Variants in PABPC4L observed in about 807,000 individuals in gnomAD.
PABPC4L encodes polyadenylate-binding protein 4-like.
For synonymous variants in PABPC4L, 169 were observed against 164.1 expected (o/e 1.03, Z -0.23); for missense variants, 452 against 451.4 (o/e 1.00, Z -0.01).
At chr4:134,073,393 A>G in the PABPC4L span, among the ~76,000 whole-genome samples, 1 of 152,220 alleles carries the variant, frequency 6.6e-6, no homozygotes, top group Non-Finnish European at 1.5e-5. Flanking sequence ...CGCTGATGGA[A>G]GTAGGCTCCA....
chr4:134,189,356 T>A, the PABPC4L span, among the ~76,000 whole-genome samples: 1 of 151,672 alleles, frequency 6.6e-6, no homozygotes, highest in African/African-American at 2.4e-5. Context: ...CACAGCTTTG[T>A]TGACAAGCAG....
chr4:134,055,148 A>G, the PABPC4L span, among the ~76,000 whole-genome samples: 1 of 152,068 alleles, frequency 6.6e-6, no homozygotes, highest in Admixed American at 6.6e-5. Context: ...TCTTCCCCAT[A>G]AAAATCATAT....
chr4:134,112,865 A>G, the PABPC4L span, among the ~76,000 whole-genome samples: 1 of 151,894 alleles, frequency 6.6e-6, no homozygotes, highest in Non-Finnish European at 1.5e-5. Context: ...AGAAGAAGGC[A>G]TTGTCATAGG....
chr4:134,133,556 T>C, the PABPC4L span, among the ~76,000 whole-genome samples: 1 of 151,026 alleles, frequency 6.6e-6, no homozygotes, highest in African/African-American at 2.4e-5. Flanking sequence ...TTGCAGACTG[T>C]TATTTTAAGC....
At chr4:134,051,464 A>C in the PABPC4L span, among the ~76,000 whole-genome samples, 1,327 of 152,292 alleles carry the variant, frequency 8.7e-3, 21 homozygotes, top group African/African-American at 0.03. Context: ...AATCCAAGAC[A>C]GAGTTTGCAA....
chr4:134,091,411 T>C, the PABPC4L span, among the ~76,000 whole-genome samples: 18 of 151,952 alleles, frequency 1.2e-4, no homozygotes, highest in East Asian at 7.7e-4. Context: ...TTATAACTTA[T>C]TGAAATTTTT....
At chr4:134,180,185 C>T in the PABPC4L span, among the ~76,000 whole-genome samples, 1 of 152,004 alleles carries the variant, frequency 6.6e-6, no homozygotes, top group Non-Finnish European at 1.5e-5. Flanking sequence ...CAAAATCATA[C>T]CAACCAGGAT....
At chr4:134,191,106 T>C in the PABPC4L span, among the ~76,000 whole-genome samples, 28 of 152,176 alleles carry the variant, frequency 1.8e-4, no homozygotes, top group African/African-American at 4.6e-4. Context: ...TCTCTTGAAA[T>C]GTATTGTGGC....
the PABPC4L span, among the ~76,000 whole-genome samples, chr4:134,066,169 A>T: frequency 6.6e-6 from 1 of 151,978 alleles, no homozygotes; most frequent in Admixed American, 6.6e-5. Context: ...ATGGGAAAGT[A>T]TTGAATCTCT....
chr4:134,138,897 C>A, the PABPC4L span, among the ~76,000 whole-genome samples: 185 of 151,926 alleles, frequency 1.2e-3, no homozygotes, highest in African/African-American at 4.3e-3. Context: ...TTTTCAATAT[C>A]AAATCTCTAT....
chr4:133,954,593 G>T, the PABPC4L span, among the ~76,000 whole-genome samples: 2 of 151,632 alleles, frequency 1.3e-5, no homozygotes, highest in South Asian at 4.2e-4. Context: ...ATATCAAAGG[G>T]GTCTCTTTAG....
At chr4:134,167,126 G>A in the PABPC4L span, among the ~76,000 whole-genome samples, 1 of 152,140 alleles carries the variant, frequency 6.6e-6, no homozygotes, top group Non-Finnish European at 1.5e-5. Context: ...ACACTGTAGT[G>A]CTAGATACAT....
the PABPC4L span, among the ~76,000 whole-genome samples, chr4:133,984,729 A>G: frequency 6.6e-6 from 1 of 151,882 alleles, no homozygotes; most frequent in Non-Finnish European, 1.5e-5. Context: ...GCTTTGGAAT[A>G]TTACATATTT....
the PABPC4L span, among the ~76,000 whole-genome samples, chr4:134,029,865 G>C: frequency 6.6e-6 from 1 of 152,002 alleles, no homozygotes; most frequent in African/African-American, 2.4e-5. Context: ...TATTGTGGGA[G>C]AGACCGGGTG....
At chr4:134,157,171 T>C in the PABPC4L span, among the ~76,000 whole-genome samples, 1 of 151,770 alleles carries the variant, frequency 6.6e-6, no homozygotes, top group Non-Finnish European at 1.5e-5. Context: ...CGGGGTTGTT[T>C]AACACTGTCC....
chr4:133,962,854 C>T, the PABPC4L span, among the ~76,000 whole-genome samples: 7 of 152,118 alleles, frequency 4.6e-5, no homozygotes, highest in African/African-American at 1.4e-4. Context: ...CTAAAAGGAG[C>T]TCTAAATCTT....
chr4:134,048,823 A>C, the PABPC4L span, among the ~76,000 whole-genome samples: 1 of 152,152 alleles, frequency 6.6e-6, no homozygotes, highest in Non-Finnish European at 1.5e-5. Flanking sequence ...AAGGAATAAT[A>C]ACTATTGCAC....
chr4:133,953,345 C>G, the PABPC4L span, among the ~76,000 whole-genome samples: 5 of 152,270 alleles, frequency 3.3e-5, no homozygotes, highest in Non-Finnish European at 7.4e-5. Flanking sequence ...CCTTTTGTTT[C>G]TGTCTATCTT....
chr4:134,109,472 G>T, the PABPC4L span, among the ~76,000 whole-genome samples: 1 of 151,562 alleles, frequency 6.6e-6, no homozygotes, highest in Admixed American at 6.6e-5. Flanking sequence ...GAAATAAGAA[G>T]AAGTGAAATA....
Sources: gnomAD v4.1 joint callset for allele counts (sites outside exome capture counted in the v4.1 genomes callset) on GRCh38, gnomAD v4.1.1 for gene constraint, MANE v1.5 for transcripts, NCBI Gene and HGNC (gene_info 2026-07-23, HGNC 2026-07-21) for gene names.